The following LARP7 variants were observed in gnomAD, a reference collection of about 807,000 sequenced individuals.
LARP7 encodes La ribonucleoprotein 7, transcriptional regulator, also known as la-related protein 7.
Under a neutral mutation model 69.3 loss-of-function variants are expected in LARP7, and 52 were observed. That is an observed-to-expected ratio of 0.75 (90% CI 0.60 to 0.95). LARP7 has a LOEUF of 0.95. Among genes scored for constraint, LARP7 ranks in the 40% least tolerant of loss-of-function variants. The probability of loss-of-function intolerance (pLI) is 0.00; values close to 1 mark genes in which losing one functional copy is unlikely to be tolerated. For missense variants in LARP7, 733 were observed against 673.0 expected (o/e 1.09, Z -0.99); for synonymous variants, 254 against 215.9 (o/e 1.18, Z -1.55).
chr4:112,657,305 T>A lies in LARP7; in HGVS notation c.1727T>A (p.Ile576Lys), dbSNP rs369296762. 6.3e-7 allele frequency: 1 copy of A among 1,585,520 alleles called. No homozygotes were observed. Among genetic ancestry groups the A allele is most frequent in the Non-Finnish European group, 8.6e-7 (1 of 1,163,802 alleles). Reference protein sequence around the residue: ...LAKTQQASKHIRFSEYD With the variant: ...LAKTQQASKHKRFSEYD ...AAGACTCAACAAGCGAGTAAACATATAAGATTTTCTGAATATGATTGAAAA... is the reference window on the plus strand; with the variant it reads ...AAGACTCAACAAGCGAGTAAACATAAAAGATTTTCTGAATATGATTGAAAA... Residue 576 changes from isoleucine (I) to lysine (K), a missense_variant, in exon 13 of 13, where the codon ATA becomes AAA. Coordinates refer to ENST00000344442, the MANE Select transcript of LARP7 (RefSeq NM_016648.4).
chr4:112,656,064 A>T (rs1358424346), intron 12 of LARP7, among the ~76,000 whole-genome samples: 2 of 152,150 alleles, frequency 1.3e-5, no homozygotes, highest in African/African-American at 4.8e-5. Flanking sequence ...ATAGTGTTGT[A>T]TTTGGCCCAT....
intron 8 of LARP7, chr4:112,648,597 G>C (rs1489536765): frequency 1.5e-5 from 7 of 472,784 alleles, no homozygotes; most frequent in African/African-American, 4.0e-5. Flanking sequence ...AGAGTATTTA[G>C]AGCTGAGGAG....
intron 10 of LARP7, among the ~76,000 whole-genome samples, chr4:112,651,376 A>G (rs974138981): frequency 6.6e-6 from 1 of 152,158 alleles, no homozygotes; most frequent in Non-Finnish European, 1.5e-5. Context: ...AGCTGTCACT[A>G]AGAAACAAAT....
intron 1 of LARP7, among the ~76,000 whole-genome samples, chr4:112,644,007 C>T (rs923442815): frequency 6.6e-6 from 1 of 151,964 alleles, no homozygotes; most frequent in Non-Finnish European, 1.5e-5. Flanking sequence ...CTTTGGGAGG[C>T]GGAGGCGGGC....
chr4:112,651,663 A>C (rs1187213796), intron 10 of LARP7, among the ~76,000 whole-genome samples: 3 of 152,188 alleles, frequency 2.0e-5, no homozygotes, highest in Admixed American at 6.5e-5. Context: ...GTTAGTAGTT[A>C]CTTACATTTT....
At chr4:112,642,163 G>A (rs931876927) in intron 1 of LARP7, among the ~76,000 whole-genome samples, 1 of 152,222 alleles carries the variant, frequency 6.6e-6, no homozygotes, top group African/African-American at 2.4e-5. Context: ...AGACAGTGGA[G>A]CACATTGAGG....
rs2048097313 is a variant in LARP7 at position 112,644,728 on chromosome 4, A to C, written c.59A>C (p.Lys20Thr). The change falls in exon 2 of 13, where the codon AAA (lysine) becomes ACA (threonine). Residue 20 changes from lysine to threonine, a missense_variant. Coordinates refer to ENST00000344442, the MANE Select transcript of LARP7 (RefSeq NM_016648.4). Reference protein sequence around the residue: ...KVMEEESTEKKKEVEKKKRSR... With the variant: ...KVMEEESTEKTKEVEKKKRSR... ...ATGGAAGAAGAAAGCACTGAAAAGA[A>C]AAAAGAAGTTGAAAAAAAGAAACGG... The C allele has an allele frequency of 6.2e-7, 1 of 1,611,506 alleles. No homozygotes were observed. Among genetic ancestry groups the C allele is most frequent in the Non-Finnish European group, 8.5e-7 (1 of 1,178,352 alleles).
chr4:112,648,338 C>G (rs755982016), intron 8 of LARP7: 2 of 531,608 alleles, frequency 3.8e-6, no homozygotes, highest in Non-Finnish European at 7.7e-6. Flanking sequence ...AATTTTGTAA[C>G]AAAAGGTGTG....
At position 112,650,452 on chromosome 4, in the gene LARP7, T is replaced by G. The variant is rs1194884370; in HGVS notation, c.1295-9T>G. The G allele has an allele frequency of 1.2e-6, 2 of 1,613,500 alleles. No individual in the cohort carries two copies. The highest frequency in any genetic ancestry group is 1.1e-5 in the South Asian group (1 of 91,018). ...GATTTAGTCCTGGTCTTTTTCCTTT[T>G]CTAATCAGCAGCCAACAGGGAAGAG... is the stretch of plus-strand genomic sequence containing the variant. On this transcript the variant is annotated splice_polypyrimidine_tract_variant and intron_variant, in intron 9 of 12. Coordinates refer to ENST00000344442, the MANE Select transcript of LARP7 (RefSeq NM_016648.4).
chr4:112,657,406 A>G lies in LARP7; in HGVS notation c.*79A>G, dbSNP rs1220655076. 3.5e-6 allele frequency: 2 copies of G among 569,634 alleles called. No homozygotes were observed. The highest frequency in any genetic ancestry group is 4.6e-5 in the South Asian group (1 of 21,820). The allele number at this position is 569,634 out of a possible 1,614,324, so 35.3% of individuals were successfully genotyped here. A position where few individuals can be genotyped will look rare whatever the true frequency, so the allele number is the denominator to read the frequency against. On this transcript the variant is annotated 3_prime_UTR_variant, in exon 13 of 13. Coordinates refer to ENST00000344442, the MANE Select transcript of LARP7 (RefSeq NM_016648.4). ...GGAGATTCACTTTTATTATGGTAGC[A>G]CTGCATAATTAATGTGTTTTTAATT...
intron 1 of LARP7, among the ~76,000 whole-genome samples, chr4:112,641,952 G>A (rs995999121): frequency 6.6e-6 from 1 of 152,160 alleles, no homozygotes; most frequent in African/African-American, 2.4e-5. Flanking sequence ...GTGTGTAAAT[G>A]AGAAGGAAGC....
chr4:112,653,035 C>CA, intron 10 of LARP7, 42 bp from the exon 11 acceptor site: 1 of 1,484,916 alleles, frequency 6.7e-7, no homozygotes, highest in South Asian at 1.3e-5. Context: ...TATTGTGAAA[C>CA]TTTTTAAATT....
intron 8 of LARP7, among the ~76,000 whole-genome samples, chr4:112,648,912 A>G (rs1317402238): frequency 1.4e-5 from 2 of 147,092 alleles, no homozygotes; most frequent in African/African-American, 2.5e-5. Flanking sequence ...TTACCACAAG[A>G]TATCTTCCTC....
At chr4:112,645,871 A>G (rs1351631082) in intron 2 of LARP7, among the ~76,000 whole-genome samples, 1 of 152,102 alleles carries the variant, frequency 6.6e-6, no homozygotes, top group Non-Finnish European at 1.5e-5. Flanking sequence ...TGGGATCCAG[A>G]TGTCCTCTTT....
At chr4:112,649,780 A>C (rs1472454323) in intron 9 of LARP7, 94 bp downstream of exon 9, 4 of 776,948 alleles carry the variant, frequency 5.1e-6, no homozygotes, top group Non-Finnish European at 5.6e-6. Flanking sequence ...TAATTTTAAA[A>C]AACTTGATTA....
intron 12 of LARP7, chr4:112,654,641 A>C (rs2048885408): frequency 6.5e-6 from 1 of 152,728 alleles, no homozygotes; most frequent in Non-Finnish European, 1.5e-5. Context: ...AAATAATTTA[A>C]AGCAAGCCCC....
rs2048271481 is a variant in LARP7, at chr4:112,646,671, G to A, written c.387G>A (p.Val129=). The A allele has an allele frequency of 6.3e-7, 1 of 1,595,690 alleles. No homozygotes were observed. The highest frequency in any genetic ancestry group is 8.5e-7 in the Non-Finnish European group (1 of 1,173,162). The change falls in exon 4 of 13, where the codon GTG becomes GTA. Residue 129 remains valine (V), a splice_region_variant and synonymous_variant. Coordinates refer to ENST00000344442, the MANE Select transcript of LARP7 (RefSeq NM_016648.4). Reference sequence around the variant, plus strand: ...ATGAGGATGAACGCACAGTGTATGTGGTAAGCTTAAGAACCCGGGTCCCCA... The same window carrying A: ...ATGAGGATGAACGCACAGTGTATGTAGTAAGCTTAAGAACCCGGGTCCCCA... ...PKDEDERTVY[V]ELLPKNVNHS...
intron 1 of LARP7, among the ~76,000 whole-genome samples, chr4:112,642,905 C>A (rs182768058): frequency 2.0e-5 from 3 of 152,348 alleles, no homozygotes; most frequent in Middle Eastern, 3.4e-3. Context: ...GAAACAGATA[C>A]AACACCCCCA....
intron 1 of LARP7, among the ~76,000 whole-genome samples, chr4:112,639,728 A>G (rs1215519240): frequency 6.6e-6 from 1 of 152,158 alleles, no homozygotes; most frequent in Non-Finnish European, 1.5e-5. Flanking sequence ...GGCATATTCT[A>G]GTGACAGTTG....
Sources: allele counts gnomAD v4.1 joint callset (sites outside exome capture counted in the v4.1 genomes callset), GRCh38; gene constraint gnomAD v4.1.1; transcripts MANE v1.5; gene names NCBI Gene and HGNC (gene_info 2026-07-23, HGNC 2026-07-21).